The following ROBO2 variants were observed in gnomAD, a reference collection of about 807,000 sequenced individuals.
ROBO2 encodes the protein roundabout guidance receptor 2, also known as roundabout homolog 2.
A neutral mutation model predicts 160.8 loss-of-function variants in ROBO2; 53 were observed. That is an observed-to-expected ratio of 0.33 (90% CI 0.26 to 0.41). ROBO2 has a LOEUF of 0.41. Ranked by LOEUF, ROBO2 falls within the 10% of genes least tolerant of loss-of-function variation. ROBO2 has a pLI of 1.00. For missense variants in ROBO2, 1,577 were observed against 1,722.4 expected (o/e 0.92, Z 1.49); for synonymous variants, 664 against 611.7 (o/e 1.09, Z -1.26).
chr3:76,838,150 T>C (rs62261821), intron 2 of ROBO2, among the ~76,000 whole-genome samples: 19,473 of 152,074 alleles, frequency 0.13, 1,403 homozygotes, highest in East Asian at 0.24. Context: ...CCGAATACCA[T>C]GTTCTCACTT....
intron 2 of ROBO2, among the ~76,000 whole-genome samples, chr3:77,412,911 T>G (rs1379308396): frequency 6.6e-6 from 1 of 152,186 alleles, no homozygotes; most frequent in East Asian, 1.9e-4. Context: ...TCTATTCATT[T>G]ATTTTAAAAA....
At chr3:76,634,731 C>T (rs2090225283) in intron 2 of ROBO2, among the ~76,000 whole-genome samples, 1 of 152,204 alleles carries the variant, frequency 6.6e-6, no homozygotes, top group African/African-American at 2.4e-5. Context: ...AAGGCACACA[C>T]TTCATCCTAT....
intron 2 of ROBO2, among the ~76,000 whole-genome samples, chr3:76,194,319 G>GTA (rs1420900748): frequency 9.9e-6 from 1 of 101,196 alleles, no homozygotes; most frequent in African/African-American, 3.5e-5. Flanking sequence ...CTCTTTTTAT[G>GTA]TATATATATC....
In ROBO2 at chr3:76,753,903, G is replaced by T. The variant is rs368660876; in HGVS notation, c.110-344111G>T. 1.9e-3 allele frequency among the ~76,000 whole-genome samples: 291 copies of T among 151,816 alleles called. 1 individual carries two copies. The highest frequency in any genetic ancestry group is 6.8e-3 in the African/African-American group (282 of 41,478). On this transcript the variant is annotated intron_variant, in intron 2 of 26. Transcript: ENST00000487694. ...GTGAACATTTTATGGCAAAACTATTGCCCTTTTCTTTGTCCAGTTAGATAT... is the reference window on the plus strand; with the variant it reads ...GTGAACATTTTATGGCAAAACTATTTCCCTTTTCTTTGTCCAGTTAGATAT...
chr3:76,690,252 A>T (rs375768225), intron 2 of ROBO2, among the ~76,000 whole-genome samples: 1 of 152,212 alleles, frequency 6.6e-6, no homozygotes, highest in East Asian at 1.9e-4. Flanking sequence ...CATATTAAGG[A>T]GTTGGTCCTT....
chr3:76,917,196 G>A (rs2076373505), intron 2 of ROBO2, among the ~76,000 whole-genome samples: 1 of 152,094 alleles, frequency 6.6e-6, no homozygotes. Flanking sequence ...TTCTACGTAT[G>A]GCAATCAAGC....
At chr3:77,460,520 A>C (rs1334638206) in intron 2 of ROBO2, among the ~76,000 whole-genome samples, 2 of 152,164 alleles carry the variant, frequency 1.3e-5, no homozygotes, top group Non-Finnish European at 2.9e-5. Context: ...CTCCGTTTTA[A>C]GTACTGACGA....
intron 2 of ROBO2, among the ~76,000 whole-genome samples, chr3:76,128,982 C>A (rs1181760606): frequency 2.7e-5 from 4 of 150,838 alleles, no homozygotes; most frequent in Non-Finnish European, 5.9e-5. Flanking sequence ...AGGGAATTTA[C>A]AGATATGGAT....
intron 1 of ROBO2, among the ~76,000 whole-genome samples, chr3:77,094,363 T>A (rs1052001710): frequency 3.3e-5 from 5 of 152,246 alleles, no homozygotes; most frequent in Non-Finnish European, 7.3e-5. Context: ...ATTATATGGA[T>A]ATGGCACATT....
chr3:76,503,377 C>T (rs1219231587), intron 2 of ROBO2, among the ~76,000 whole-genome samples: 1 of 152,112 alleles, frequency 6.6e-6, no homozygotes, highest in Non-Finnish European at 1.5e-5. Context: ...AGAATTAATA[C>T]TTTGTATCCC....
chr3:76,986,451 G>A (rs561313656), intron 2 of ROBO2, among the ~76,000 whole-genome samples: 12 of 152,046 alleles, frequency 7.9e-5, no homozygotes, highest in African/African-American at 2.6e-4. Flanking sequence ...ACAGGTAACC[G>A]TGTCTTAATT....
chr3:77,534,830 A>G (rs191236198), intron 6 of ROBO2, among the ~76,000 whole-genome samples: 2 of 152,292 alleles, frequency 1.3e-5, no homozygotes, highest in East Asian at 3.9e-4. Context: ...TGTTATATTT[A>G]TCTTTCTGCT....
At chr3:76,180,262 G>C (rs1701441119) in intron 2 of ROBO2, among the ~76,000 whole-genome samples, 1 of 152,130 alleles carries the variant, frequency 6.6e-6, no homozygotes. Context: ...GTCTTGCAGA[G>C]TACTTTGTGT....
chr3:76,440,841 TAC>T (rs1244978233), intron 2 of ROBO2, among the ~76,000 whole-genome samples: 1 of 152,088 alleles, frequency 6.6e-6, no homozygotes, highest in Admixed American at 6.6e-5. Context: ...GACTAAATAT[TAC>T]AGAGTGCTGA....
chr3:77,310,867 A>G (rs2063488179), intron 2 of ROBO2, among the ~76,000 whole-genome samples: 1 of 151,350 alleles, frequency 6.6e-6, no homozygotes, highest in Admixed American at 6.6e-5. Flanking sequence ...AAAAAAAAAT[A>G]AAAGAACAGA....
chr3:76,578,095 G>A (rs1234898014), intron 2 of ROBO2, among the ~76,000 whole-genome samples: 1 of 152,112 alleles, frequency 6.6e-6, no homozygotes, highest in East Asian at 1.9e-4. Context: ...TCACTTACCA[G>A]CTTGGGAACT....
chr3:76,606,394 C>T (rs190749327), intron 2 of ROBO2, among the ~76,000 whole-genome samples: 2 of 152,082 alleles, frequency 1.3e-5, no homozygotes, highest in Non-Finnish European at 2.9e-5. Flanking sequence ...GTTTTCTCTA[C>T]GATATTTGCT....
chr3:75,935,968 T>C (rs1947760699), intron 1 of ROBO2, among the ~76,000 whole-genome samples: 1 of 152,208 alleles, frequency 6.6e-6, no homozygotes. Context: ...TGAAAGTGCT[T>C]TGTTCATAGG....
chr3:77,132,122 A>G (rs896693911), intron 2 of ROBO2, among the ~76,000 whole-genome samples: 5 of 152,132 alleles, frequency 3.3e-5, no homozygotes, highest in Non-Finnish European at 7.4e-5. Context: ...GAGAATTAAA[A>G]GAAGCTTATT....
Sources: allele counts gnomAD v4.1 joint callset (sites outside exome capture counted in the v4.1 genomes callset), GRCh38; gene constraint gnomAD v4.1.1; transcripts MANE v1.5; gene names NCBI Gene and HGNC (gene_info 2026-07-23, HGNC 2026-07-21).